PRKG1: variants seen among roughly 807,000 people sequenced by gnomAD.
The protein encoded by PRKG1 is cGMP-dependent protein kinase 1.
Under a neutral mutation model 88.1 loss-of-function variants are expected in PRKG1, and 35 were observed. The ratio of observed to expected loss-of-function variants is 0.40; its 90% CI spans 0.30 to 0.53. The LOEUF is 0.53. Among genes scored for constraint, PRKG1 ranks in the 20% least tolerant of loss-of-function variants. The pLI is 0.59. For missense variants in PRKG1, 540 were observed against 839.8 expected, an observed-to-expected ratio of 0.64 and a Z score of 4.41; for synonymous variants, 303 against 292.5, an observed-to-expected ratio of 1.04 and a Z score of -0.37.
At chr10:51,939,753 A>C (rs1032486861) in intron 5 of PRKG1, among the ~76,000 whole-genome samples, 1 of 150,760 alleles carries the variant, frequency 6.6e-6, no homozygotes, top group Non-Finnish European at 1.5e-5. Flanking sequence ...TGGGAATAAT[A>C]CATATATATT....
intron 2 of PRKG1, among the ~76,000 whole-genome samples, chr10:51,237,487 A>G (rs1266452901): frequency 6.6e-6 from 1 of 152,188 alleles, no homozygotes; most frequent in Admixed American, 6.5e-5. Flanking sequence ...TGGAACAGAT[A>G]GACCAACTTC....
intron 3 of PRKG1, among the ~76,000 whole-genome samples, chr10:51,656,723 G>A (rs979860643): frequency 2.0e-5 from 3 of 152,008 alleles, no homozygotes; most frequent in Non-Finnish European, 4.4e-5. Flanking sequence ...AAACCTTAAT[G>A]GCCCTCTTAT....
At chr10:51,027,003 C>G (rs1564574570) in intron 1 of PRKG1, among the ~76,000 whole-genome samples, 1 of 152,032 alleles carries the variant, frequency 6.6e-6, no homozygotes, top group Non-Finnish European at 1.5e-5. Context: ...ATCTCTTACT[C>G]AAAAAATCCA....
chr10:51,218,532 A>T (rs4041311), intron 2 of PRKG1, among the ~76,000 whole-genome samples: 8,328 of 49,074 alleles, frequency 0.17, 934 homozygotes, highest in African/African-American at 0.29. Flanking sequence ...TATATATATA[A>T]AATGTGTGTA....
chr10:52,149,040 C>G (rs923178863), intron 8 of PRKG1, among the ~76,000 whole-genome samples: 2 of 90,730 alleles, frequency 2.2e-5, no homozygotes, highest in Non-Finnish European at 4.3e-5. Context: ...AAAAGGGAAA[C>G]AACAAAACAA....
rs116384185 is a variant in PRKG1 at position 51,350,744 on chromosome 10, C to A, written c.479-116979C>A. 2.2e-3 allele frequency among the ~76,000 whole-genome samples: 338 copies of A among 152,260 alleles called. 1 individual carries two copies. Among genetic ancestry groups the A allele is most frequent in the African/African-American group, 7.7e-3 (322 of 41,556 alleles). On this transcript the variant is annotated intron_variant, in intron 2 of 17. Coordinates refer to ENST00000373980, the MANE Select transcript of PRKG1 (RefSeq NM_006258.4). ...TTCAGCAAGTTGCAGAACAAGAAAT[C>A]AACATACAAAAATCAGTAGCATTTC...
At chr10:51,154,754 T>C (rs1440523812) in intron 2 of PRKG1, among the ~76,000 whole-genome samples, 1 of 151,966 alleles carries the variant, frequency 6.6e-6, no homozygotes. Context: ...AAAATATAAA[T>C]ATTCATTTAG....
chr10:51,154,985 A>G (rs559121022), intron 2 of PRKG1, among the ~76,000 whole-genome samples: 2 of 152,024 alleles, frequency 1.3e-5, no homozygotes, highest in African/African-American at 4.8e-5. Flanking sequence ...CGTTTAAAGC[A>G]CTTCTGAGAT....
intron 1 of PRKG1, among the ~76,000 whole-genome samples, chr10:51,042,211 G>A (rs1843433494): frequency 1.3e-5 from 2 of 152,126 alleles, no homozygotes; most frequent in South Asian, 2.1e-4. Flanking sequence ...TAAAGCATTA[G>A]TCAGATTAAA....
In PRKG1 at chr10:51,476,728, C is replaced by T. The variant is rs1213499597; in HGVS notation, c.592+8892C>T. Reference sequence around the variant, plus strand: ...GGGAACAGCCTCCAGGAGCTCCATCCAGTTGCCCTAAATTCCCTTGCTATT... The same window carrying T: ...GGGAACAGCCTCCAGGAGCTCCATCTAGTTGCCCTAAATTCCCTTGCTATT... On this transcript the variant is annotated intron_variant, in intron 3 of 17. Coordinates refer to ENST00000373980, the MANE Select transcript of PRKG1 (RefSeq NM_006258.4). Among the ~76,000 whole-genome samples, 10 of 152,084 alleles carry T rather than the reference C, an allele frequency of 6.6e-5. No individual in the cohort carries two copies. The South Asian group carries it at 2.1e-3, about 32-fold the overall frequency.
At chr10:51,190,545 A>G (rs1837605630) in intron 2 of PRKG1, among the ~76,000 whole-genome samples, 1 of 151,862 alleles carries the variant, frequency 6.6e-6, no homozygotes, top group Admixed American at 6.6e-5. Context: ...GATAGGCTAA[A>G]AAAAGACCTA....
intron 5 of PRKG1, among the ~76,000 whole-genome samples, chr10:51,924,934 G>C (rs773107384): frequency 7.1e-6 from 1 of 140,450 alleles, no homozygotes; most frequent in Non-Finnish European, 1.5e-5. Context: ...TTACTCACCT[G>C]TTCTTGTATG....
intron 5 of PRKG1, among the ~76,000 whole-genome samples, chr10:51,978,798 T>C (rs1311552662): frequency 2.0e-5 from 3 of 152,042 alleles, no homozygotes; most frequent in African/African-American, 4.8e-5. Flanking sequence ...AGTGATTTTT[T>C]GTATGTTGAT....
rs1342864647 is a variant in PRKG1 at position 51,277,302 on chromosome 10, T to G, written c.478+123972T>G. On this transcript the variant is annotated intron_variant, in intron 2 of 17. Coordinates refer to ENST00000373980, the MANE Select transcript of PRKG1 (RefSeq NM_006258.4). ...TGTGGTATTATTTCTGAGGGCTGTG[T>G]TCTGTTCCATTGGTCTATAGCTCTG... 2.0e-5 allele frequency among the ~76,000 whole-genome samples: 3 copies of G among 152,326 alleles called. No individual in the cohort carries two copies. In the East Asian group the frequency reaches 5.8e-4, roughly 29 times the overall value.
At chr10:52,180,615 T>TA (rs1838992931) in intron 9 of PRKG1, among the ~76,000 whole-genome samples, 1 of 152,186 alleles carries the variant, frequency 6.6e-6, no homozygotes, top group Non-Finnish European at 1.5e-5. Context: ...TGCAGCAGTG[T>TA]AGTCTCCGTG....
chr10:51,038,710 C>T (rs1227466583), intron 1 of PRKG1, among the ~76,000 whole-genome samples: 2 of 152,146 alleles, frequency 1.3e-5, no homozygotes, highest in South Asian at 2.1e-4. Flanking sequence ...TATATACCAC[C>T]TCTTCTTTAT....
At chr10:51,008,613 G>T (rs1842962655) in intron 1 of PRKG1, among the ~76,000 whole-genome samples, 1 of 152,144 alleles carries the variant, frequency 6.6e-6, no homozygotes, top group East Asian at 1.9e-4. Context: ...TTCCCCTCTT[G>T]TAAGATTACT....
At chr10:51,523,428 A>C (rs1255464521) in intron 3 of PRKG1, among the ~76,000 whole-genome samples, 1 of 152,232 alleles carries the variant, frequency 6.6e-6, no homozygotes, top group Non-Finnish European at 1.5e-5. Context: ...AACATACAGC[A>C]AATTTGTTAA....
intron 1 of PRKG1, among the ~76,000 whole-genome samples, chr10:51,126,095 A>T (rs1240845921): frequency 8.8e-6 from 1 of 114,166 alleles, no homozygotes; most frequent in Non-Finnish European, 1.7e-5. Flanking sequence ...ATTATATAAT[A>T]ATATACTATA....
Sources: gnomAD v4.1 joint callset for allele counts (sites outside exome capture counted in the v4.1 genomes callset) on GRCh38, gnomAD v4.1.1 for gene constraint, MANE v1.5 for transcripts, NCBI Gene and HGNC (gene_info 2026-07-23, HGNC 2026-07-21) for gene names.